The following IMMP2L variants were observed in gnomAD, a reference collection of about 807,000 sequenced individuals.
IMMP2L encodes inner mitochondrial membrane peptidase subunit 2.
IMMP2L carries 18 observed loss-of-function variants against 19.3 expected under a neutral mutation model. The observed-to-expected ratio is 0.93, with a 90% CI of 0.64 to 1.38. IMMP2L has a LOEUF of 1.38. Among genes scored for constraint, IMMP2L ranks in the 40% most tolerant of loss-of-function variants. The pLI is 0.00. For synonymous variants in IMMP2L, 76 were observed against 73.0 expected (o/e 1.04, Z -0.21); for missense variants, 233 against 218.2 (o/e 1.07, Z -0.43).
intron 5 of IMMP2L, among the ~76,000 whole-genome samples, chr7:110,808,294 G>C (rs1267889743): frequency 1.3e-5 from 2 of 152,008 alleles, no homozygotes; most frequent in African/African-American, 4.8e-5. Context: ...CTTGGTGGTA[G>C]TAGGCAGTAT....
At chr7:111,473,481 G>T (rs886180099) in intron 3 of IMMP2L, among the ~76,000 whole-genome samples, 1 of 151,992 alleles carries the variant, frequency 6.6e-6, no homozygotes, top group Non-Finnish European at 1.5e-5. Context: ...TCCCTTTTTG[G>T]CTTACTATAT....
chr7:111,230,718 C>T (rs978975046), intron 3 of IMMP2L, among the ~76,000 whole-genome samples: 5 of 151,998 alleles, frequency 3.3e-5, no homozygotes, highest in African/African-American at 1.2e-4. Context: ...AAGCTGCTCT[C>T]ATGGAGCTTT....
At chr7:111,420,372 A>T (rs1835373418) in intron 3 of IMMP2L, among the ~76,000 whole-genome samples, 1 of 151,802 alleles carries the variant, frequency 6.6e-6, no homozygotes, top group Non-Finnish European at 1.5e-5. Flanking sequence ...TGAAACAAAT[A>T]AAAAAACTAT....
rs145887332 is a variant in IMMP2L, at chr7:111,004,399, A to T, written c.240-40834T>A. 1.6e-3 allele frequency among the ~76,000 whole-genome samples: 243 copies of T among 152,246 alleles called. 2 individuals are homozygous for T. Among genetic ancestry groups the T allele is most frequent in the Admixed American group, 2.6e-3 (40 of 15,282 alleles). On this transcript the variant is annotated intron_variant, in intron 3 of 5. Coordinates refer to ENST00000405709, the MANE Select transcript of IMMP2L (RefSeq NM_032549.4). Reference sequence around the variant, plus strand: ...AGGCTGGTCTGAAACTCCTGGACTCAAATGATCCTTCTGTCTTGGCCTCGC... The same window carrying T: ...AGGCTGGTCTGAAACTCCTGGACTCTAATGATCCTTCTGTCTTGGCCTCGC...
chr7:111,093,901 C>T (rs189274232), intron 3 of IMMP2L, among the ~76,000 whole-genome samples: 72 of 152,226 alleles, frequency 4.7e-4, no homozygotes, highest in Admixed American at 2.0e-3. Flanking sequence ...TCACAGGCAA[C>T]ATGCTGAGTT....
intron 3 of IMMP2L, among the ~76,000 whole-genome samples, chr7:111,362,402 T>C (rs1339978507): frequency 2.0e-5 from 3 of 152,082 alleles, no homozygotes; most frequent in Non-Finnish European, 4.4e-5. Context: ...GCTAGATTTT[T>C]TTCTTTTTTA....
chr7:111,522,131 A>G (rs984155342), intron 1 of IMMP2L, among the ~76,000 whole-genome samples: 21 of 152,130 alleles, frequency 1.4e-4, no homozygotes, highest in African/African-American at 5.1e-4. Context: ...TGCATTGCTT[A>G]CATTTGGACT....
rs570454938 is a variant in IMMP2L at position 111,373,398 on chromosome 7, T to C, written c.239+113840A>G. On this transcript the variant is annotated intron_variant, in intron 3 of 5. Coordinates refer to ENST00000405709, the MANE Select transcript of IMMP2L (RefSeq NM_032549.4). ...TACTCAGCAAATGTCACACAGTAAA[T>C]ACATTGAAATTGAGAAAAAACACTG... 4.6e-5 allele frequency among the ~76,000 whole-genome samples: 7 copies of C among 152,110 alleles called. No individual in the cohort carries two copies. The South Asian group carries it at 8.3e-4, about 18-fold the overall frequency.
At chr7:111,039,616 A>T (rs555903509) in intron 3 of IMMP2L, among the ~76,000 whole-genome samples, 2 of 152,306 alleles carry the variant, frequency 1.3e-5, no homozygotes, top group South Asian at 4.1e-4. Context: ...CTTGCATGTT[A>T]GTCCATGTAA....
At chr7:111,107,459 T>C (rs1282623174) in intron 3 of IMMP2L, among the ~76,000 whole-genome samples, 26 of 152,070 alleles carry the variant, frequency 1.7e-4, no homozygotes, top group Admixed American at 1.7e-3. Flanking sequence ...TGGATAGTTC[T>C]TTGTATACTT....
intron 3 of IMMP2L, among the ~76,000 whole-genome samples, chr7:111,116,799 G>A (rs1420604594): frequency 6.6e-6 from 1 of 152,134 alleles, no homozygotes; most frequent in Non-Finnish European, 1.5e-5. Flanking sequence ...AAAAAAGGCA[G>A]TGCACCTATA....
At chr7:111,409,610 C>T (rs1177394080) in intron 3 of IMMP2L, among the ~76,000 whole-genome samples, 1 of 151,502 alleles carries the variant, frequency 6.6e-6, no homozygotes, top group East Asian at 1.9e-4. Flanking sequence ...ATCTTATGGT[C>T]TCTATATAAA....
intron 4 of IMMP2L, among the ~76,000 whole-genome samples, chr7:110,937,209 G>A (rs983354741): frequency 8.5e-5 from 13 of 152,062 alleles, no homozygotes; most frequent in African/African-American, 3.1e-4. Flanking sequence ...AATAGAAAAA[G>A]AAAAGAAAAC....
chr7:111,465,618 C>A (rs1358568049), intron 3 of IMMP2L, among the ~76,000 whole-genome samples: 8 of 150,606 alleles, frequency 5.3e-5, no homozygotes, highest in African/African-American at 2.0e-4. Context: ...ATCAAAACCA[C>A]AATGAGATAC....
At chr7:111,203,248 G>A (rs1052319159) in intron 3 of IMMP2L, among the ~76,000 whole-genome samples, 1 of 151,962 alleles carries the variant, frequency 6.6e-6, no homozygotes, top group African/African-American at 2.4e-5. Flanking sequence ...AACATTTATT[G>A]AGGGCATCCT....
At chr7:110,791,600 C>T (rs1800464058) in intron 5 of IMMP2L, among the ~76,000 whole-genome samples, 1 of 151,732 alleles carries the variant, frequency 6.6e-6, no homozygotes, top group South Asian at 2.1e-4. Context: ...TTGGAACCAA[C>T]TGTGTGATGG....
chr7:110,697,840 G>T (rs376072439), intron 5 of IMMP2L, among the ~76,000 whole-genome samples: 1 of 152,072 alleles, frequency 6.6e-6, no homozygotes, highest in Non-Finnish European at 1.5e-5. Flanking sequence ...TATCTCAAAA[G>T]AATAAGCTAG....
intron 3 of IMMP2L, among the ~76,000 whole-genome samples, chr7:111,096,158 A>G (rs1797374106): frequency 6.6e-6 from 1 of 151,986 alleles, no homozygotes; most frequent in Non-Finnish European, 1.5e-5. Context: ...TTCAACAATT[A>G]CTTTGCTCCT....
chr7:111,302,687 A>C (rs1822400180), intron 3 of IMMP2L, among the ~76,000 whole-genome samples: 1 of 152,140 alleles, frequency 6.6e-6, no homozygotes, highest in Admixed American at 6.6e-5. Flanking sequence ...TAATGAAATA[A>C]AGAATTTGTT....
Sources: allele counts gnomAD v4.1 joint callset (sites outside exome capture counted in the v4.1 genomes callset), GRCh38; gene constraint gnomAD v4.1.1; transcripts MANE v1.5; gene names NCBI Gene and HGNC (gene_info 2026-07-23, HGNC 2026-07-21).